DCK: variants seen among roughly 807,000 people sequenced by gnomAD.
DCK encodes the protein deoxycytidine kinase.
A neutral mutation model predicts 38.3 loss-of-function variants in DCK; 23 were observed. The observed-to-expected ratio is 0.60, with a 90% CI of 0.43 to 0.85. The LOEUF is 0.85. Ranked by LOEUF, DCK falls within the 40% of genes least tolerant of loss-of-function variation. DCK has a pLI of 0.00. For missense variants in DCK, 259 were observed against 304.4 expected, an observed-to-expected ratio of 0.85 and a Z score of 1.11; for synonymous variants, 108 against 100.6, an observed-to-expected ratio of 1.07 and a Z score of -0.44.
intron 6 of DCK, 161 bp downstream of exon 6, chr4:71,026,916 TA>T (rs1740562145): frequency 5.0e-6 from 2 of 396,856 alleles, no homozygotes; most frequent in African/African-American, 4.2e-5. Context: ...CAGTCCTGAC[TA>T]AATTCTAGCT....
rs764439361 is a variant in DCK at position 71,022,391 on chromosome 4, G to T, written c.232G>T (p.Gly78Cys). ...GGAACTTACAATGTCTCAGAAAAATGGTGGGAATGTTCTTCAGATGATGTA... is the reference window on the plus strand; with the variant it reads ...GGAACTTACAATGTCTCAGAAAAATTGTGGGAATGTTCTTCAGATGATGTA... Reference protein sequence around the residue: ...FEELTMSQKNGGNVLQMMYEK... With the variant: ...FEELTMSQKNCGNVLQMMYEK... The change falls in exon 3 of 7, where the codon GGT (glycine) becomes TGT (cysteine). Residue 78 changes from glycine (G) to cysteine (C), a missense_variant. Gly to Cys is a radical substitution (Grantham distance 159). Coordinates refer to ENST00000286648, the MANE Select transcript of DCK (RefSeq NM_000788.3). 6.5e-7 allele frequency: 1 copy of T among 1,529,990 alleles called. No homozygotes were observed. Among genetic ancestry groups the T allele is most frequent in the Non-Finnish European group, 8.8e-7 (1 of 1,140,758 alleles). 94.8% of individuals were successfully genotyped at this position (1,529,990 alleles called of 1,614,324 possible). A position where few individuals can be genotyped will look rare whatever the true frequency, so the allele number is the denominator to read the frequency against.
At chr4:71,018,749 G>T (rs879814414) in intron 2 of DCK, among the ~76,000 whole-genome samples, 106 of 144,764 alleles carry the variant, frequency 7.3e-4, no homozygotes, top group Admixed American at 1.7e-3. Context: ...TTGGCTCACT[G>T]CAGCCTCCAC....
chr4:71,014,219 C>T (rs931723314), intron 2 of DCK, among the ~76,000 whole-genome samples: 1 of 152,220 alleles, frequency 6.6e-6, no homozygotes, highest in South Asian at 2.1e-4. Flanking sequence ...CAAGAGCTAA[C>T]TATCCTAAAT....
rs190177863 is a variant in DCK, at chr4:71,028,545, C to T, written c.757-807C>T. The T allele has an allele frequency of 2.7e-3, 1,045 of 384,808 alleles. 6 individuals carry two copies. The highest frequency in any genetic ancestry group is 5.5e-3 in the Admixed American group (178 of 32,298). The allele number at this position is 384,808 out of a possible 1,614,324, so 23.8% of individuals were successfully genotyped here. On this transcript the variant is annotated intron_variant, in intron 6 of 6. Coordinates refer to ENST00000286648, the MANE Select transcript of DCK (RefSeq NM_000788.3). Reference sequence around the variant, plus strand: ...GCCTGGGTGACAGAGCAATAAATAACTCCTAAAATGACCTTTTAGGTCATT... The same window carrying T: ...GCCTGGGTGACAGAGCAATAAATAATTCCTAAAATGACCTTTTAGGTCATT...
At chr4:71,004,522 A>G (rs1329479010) in intron 2 of DCK, among the ~76,000 whole-genome samples, 1 of 152,236 alleles carries the variant, frequency 6.6e-6, no homozygotes, top group Non-Finnish European at 1.5e-5. Flanking sequence ...CAGAGCCAGC[A>G]GGCAGGATTG....
intron 1 of DCK, among the ~76,000 whole-genome samples, chr4:70,996,344 CAG>C (rs1176718309): frequency 6.6e-6 from 1 of 152,156 alleles, no homozygotes; most frequent in Non-Finnish European, 1.5e-5. Context: ...GCCTGGGCTA[CAG>C]AGTGAGACCC....
intron 2 of DCK, among the ~76,000 whole-genome samples, chr4:71,021,252 T>C (rs1487347177): frequency 6.6e-6 from 1 of 151,242 alleles, no homozygotes; most frequent in Non-Finnish European, 1.5e-5. Flanking sequence ...ATTTTTTGTA[T>C]TTTTAGTAGA....
At chr4:71,015,231 A>G (rs1348286987) in intron 2 of DCK, among the ~76,000 whole-genome samples, 1 of 152,234 alleles carries the variant, frequency 6.6e-6, no homozygotes. Context: ...AGACTAAACC[A>G]GGAAGAAGTT....
At chr4:71,027,487 A>G (rs1180150203) in intron 6 of DCK, among the ~76,000 whole-genome samples, 1 of 152,150 alleles carries the variant, frequency 6.6e-6, no homozygotes, top group Non-Finnish European at 1.5e-5. Context: ...GGGAATTGGT[A>G]TAACAAATAT....
intron 2 of DCK, among the ~76,000 whole-genome samples, chr4:71,002,338 T>C (rs1048480419): frequency 2.0e-5 from 3 of 152,202 alleles, no homozygotes; most frequent in South Asian, 2.1e-4. Context: ...CAGACTGTTA[T>C]GATTTCCATT....
At chr4:70,995,404 T>C (rs1441654493) in intron 1 of DCK, among the ~76,000 whole-genome samples, 2 of 152,094 alleles carry the variant, frequency 1.3e-5, no homozygotes, top group African/African-American at 4.8e-5. Flanking sequence ...CTGGGCAACA[T>C]AGTGAGAACT....
At position 71,030,666 on chromosome 4, in the gene DCK, A is replaced by G. The variant is rs568747551; in HGVS notation, c.*1288A>G. Reference sequence around the variant, plus strand: ...AAACCTTATGAACTACAGTGGAGCTACACTCATTGAAATGTAATTTCAGTT... The same window carrying G: ...AAACCTTATGAACTACAGTGGAGCTGCACTCATTGAAATGTAATTTCAGTT... On this transcript the variant is annotated 3_prime_UTR_variant, in exon 7 of 7. Transcript: ENST00000286648. The G allele has an allele frequency of 5.3e-5, 8 of 152,154 alleles. No homozygotes were observed. The highest frequency in any genetic ancestry group is 2.6e-4 in the Admixed American group (4 of 15,290). The allele number at this position is 152,154 out of a possible 1,614,324, so 9.4% of individuals were successfully genotyped here.
intron 6 of DCK, among the ~76,000 whole-genome samples, chr4:71,027,638 G>GAT (rs1477876705): frequency 6.6e-6 from 1 of 152,094 alleles, no homozygotes; most frequent in African/African-American, 2.4e-5. Context: ...ATTCATAAGG[G>GAT]ATATATCAAG....
At chr4:71,016,423 GA>G (rs1560685693) in intron 2 of DCK, among the ~76,000 whole-genome samples, 1 of 152,038 alleles carries the variant, frequency 6.6e-6, no homozygotes, top group Admixed American at 6.6e-5. Flanking sequence ...CACAGAATTG[GA>G]AAAAACTACT....
At chr4:71,016,039 G>T (rs917873413) in intron 2 of DCK, among the ~76,000 whole-genome samples, 1 of 152,120 alleles carries the variant, frequency 6.6e-6, no homozygotes, top group Non-Finnish European at 1.5e-5. Context: ...AAACCCCATC[G>T]TCTCAGCCCA....
chr4:71,018,440 TTAAAG>T (rs1318344725), intron 2 of DCK, among the ~76,000 whole-genome samples: 6 of 152,104 alleles, frequency 3.9e-5, no homozygotes, highest in Non-Finnish European at 8.8e-5. Context: ...GATTATTTCT[TTAAAG>T]TAAATTTTCA....
At chr4:70,999,463 A>G (rs1739733583) in intron 2 of DCK, among the ~76,000 whole-genome samples, 1 of 152,184 alleles carries the variant, frequency 6.6e-6, no homozygotes, top group Non-Finnish European at 1.5e-5. Context: ...GCTATTGTGA[A>G]TAGCGCTGGA....
chr4:71,001,623 T>C (rs1407332632), intron 2 of DCK, among the ~76,000 whole-genome samples: 1 of 152,184 alleles, frequency 6.6e-6, no homozygotes, highest in Non-Finnish European at 1.5e-5. Context: ...TCCTGGGCTT[T>C]TTTTTGGTTG....
intron 2 of DCK, among the ~76,000 whole-genome samples, chr4:71,008,653 A>G (rs539792884): frequency 6.6e-6 from 1 of 152,190 alleles, no homozygotes; most frequent in Non-Finnish European, 1.5e-5. Flanking sequence ...ATGTTGGAAA[A>G]TAGAGGGTAT....
Sources: allele counts gnomAD v4.1 joint callset (sites outside exome capture counted in the v4.1 genomes callset), GRCh38; gene constraint gnomAD v4.1.1; transcripts MANE v1.5; gene names NCBI Gene and HGNC (gene_info 2026-07-23, HGNC 2026-07-21).